The following NDEL1 variants were observed in gnomAD, a reference collection of about 807,000 sequenced individuals.
NDEL1 encodes nudE neurodevelopment protein 1 like 1, also known as nuclear distribution protein nudE-like 1.
In NDEL1, 9 loss-of-function variants were observed where a neutral mutation model predicts 45.7. That is an observed-to-expected ratio of 0.20 (90% CI 0.12 to 0.34). The LOEUF is 0.34. Among genes scored for constraint, NDEL1 ranks in the 10% least tolerant of loss-of-function variants. The pLI is 1.00. For synonymous variants in NDEL1, 133 were observed against 158.6 expected, an observed-to-expected ratio of 0.84 and a Z score of 1.21; for missense variants, 306 against 406.2, an observed-to-expected ratio of 0.75 and a Z score of 2.12.
intron 1 of NDEL1, among the ~76,000 whole-genome samples, chr17:8,443,322 A>G (rs1365460405): frequency 6.6e-6 from 1 of 152,206 alleles, no homozygotes; most frequent in East Asian, 1.9e-4. Context: ...AATGCAAGAG[A>G]TTTTAATGCT....
intron 1 of NDEL1, among the ~76,000 whole-genome samples, chr17:8,423,208 A>AC (rs760152912): frequency 1.3e-4 from 20 of 151,880 alleles, no homozygotes; most frequent in South Asian, 2.1e-4. Context: ...CAGACAAGTG[A>AC]CCCCCCCTAG....
intron 5 of NDEL1, 33 bp downstream of exon 5, chr17:8,448,719 C>T: frequency 6.3e-7 from 1 of 1,578,410 alleles, no homozygotes; most frequent in Middle Eastern, 1.7e-4. Flanking sequence ...TACAGTTGAC[C>T]CTTGAACAAC....
chr17:8,451,579 G>A (rs1034907338), intron 6 of NDEL1, among the ~76,000 whole-genome samples: 4 of 151,964 alleles, frequency 2.6e-5, no homozygotes, highest in African/African-American at 9.7e-5. Context: ...AGCATTGTTC[G>A]GAGTAATTGA....
chr17:8,435,878 C>A, upstream of NDEL1: 3 of 447,572 alleles, frequency 6.7e-6, no homozygotes, highest in South Asian at 3.1e-5. Context: ...CCTCGGACAC[C>A]CAGGCAGTCC....
At chr17:8,445,608 A>G (rs1910031459) in intron 2 of NDEL1, 103 bp from the exon 3 acceptor site, 8 of 1,216,362 alleles carry the variant, frequency 6.6e-6, no homozygotes, top group Non-Finnish European at 9.1e-6. Context: ...TTATGAGAGC[A>G]TTAGCATTCA....
Position 8,467,240 on chromosome 17 carries a change from C to A in NDEL1, c.*217C>A. ...GCTATTTTCTCTTCTCGCCGTAGTG[C>A]CGTTGGTTTCACATGATTGCACTTT... On this transcript the variant is annotated 3_prime_UTR_variant, in exon 9 of 9. Transcript: ENST00000334527. The surrounding 1 kb of genome is among the most constrained non-coding windows in gnomAD (Gnocchi z 6.3). The A allele has an allele frequency of 1.7e-6, 1 of 592,724 alleles. No individual in the cohort carries two copies. Among genetic ancestry groups the A allele is most frequent in the Admixed American group, 3.1e-5 (1 of 31,974 alleles). The allele number at this position is 592,724 out of a possible 1,614,324, so 36.7% of individuals were successfully genotyped here.
chr17:8,470,436 A>G (rs1166998190), downstream of NDEL1, among the ~76,000 whole-genome samples: 1 of 152,154 alleles, frequency 6.6e-6, no homozygotes, highest in Non-Finnish European at 1.5e-5. The surrounding 1 kb of genome is among the most constrained non-coding windows in gnomAD (Gnocchi z 4.2). Context: ...TTGTCTTACA[A>G]GAGAGTAGTA....
At chr17:8,435,506 A>G (rs1909223957), upstream of NDEL1, among the ~76,000 whole-genome samples, 1 of 152,262 alleles carries the variant, frequency 6.6e-6, no homozygotes, top group Non-Finnish European at 1.5e-5. Context: ...TGGGTGTTCG[A>G]GCAGGGGGAA....
chr17:8,431,477 T>A (rs948593134), upstream of NDEL1: 2 of 152,258 alleles, frequency 1.3e-5, no homozygotes, highest in Non-Finnish European at 2.9e-5. Context: ...AGGGAAAGCA[T>A]GTAAAGCACT....
At chr17:8,472,600 G>T (rs1567749467), downstream of NDEL1, among the ~76,000 whole-genome samples, 1 of 152,162 alleles carries the variant, frequency 6.6e-6, no homozygotes, top group Non-Finnish European at 1.5e-5. Flanking sequence ...GAGGTGGAGG[G>T]TGAAGTGAGC....
At chr17:8,463,355 G>A in intron 8 of NDEL1, 11 of 1,612,828 alleles carry the variant, frequency 6.8e-6, no homozygotes, top group South Asian at 2.2e-5. Flanking sequence ...TTGTTCATGG[G>A]TAACTGAATT....
rs1340602798 is a variant in NDEL1 at position 8,448,691 on chromosome 17, A to C, written c.526+5A>C. On this transcript the variant is annotated splice_donor_5th_base_variant and intron_variant, in intron 5 of 8. Transcript: ENST00000334527. ...GGTTAAAGGATGAAGCAAGAGGTAA[A>C]ATTTATAACTTAAAGAATACAGTTG... is the stretch of plus-strand genomic sequence containing the variant. 1 of 1,606,402 alleles carries C rather than the reference A, an allele frequency of 6.2e-7. No individual in the cohort carries two copies. The highest frequency in any genetic ancestry group is 8.5e-7 in the Non-Finnish European group (1 of 1,174,822).
At chr17:8,435,735 A>T (rs1040852569), upstream of NDEL1, 4 of 336,776 alleles carry the variant, frequency 1.2e-5, no homozygotes, top group Middle Eastern at 1.1e-3. Context: ...GCGCAAGAGG[A>T]CGCCGTCAGC....
At chr17:8,434,612 C>G (rs574917070), upstream of NDEL1, among the ~76,000 whole-genome samples, 1 of 152,082 alleles carries the variant, frequency 6.6e-6, no homozygotes, top group African/African-American at 2.4e-5. Context: ...TAAAATGTAT[C>G]TCTTCCTTTA....
At chr17:8,431,785 T>A (rs566442688), upstream of NDEL1, 16 of 152,124 alleles carry the variant, frequency 1.1e-4, no homozygotes, top group African/African-American at 3.9e-4. Context: ...CAAGAGAACT[T>A]CGGAAAGTTC....
At chr17:8,416,233 G>A (rs1011846470) in intron 1 of NDEL1, among the ~76,000 whole-genome samples, 1 of 152,026 alleles carries the variant, frequency 6.6e-6, no homozygotes, top group East Asian at 1.9e-4. Context: ...TCTACTTTCC[G>A]TTTCTATGAA....
rs777127806 is a variant in NDEL1, at chr17:8,467,040, T to A, written c.*17T>A. The A allele has an allele frequency of 6.2e-7, 1 of 1,613,270 alleles. No homozygotes were observed. The highest frequency in any genetic ancestry group is 8.5e-7 in the Non-Finnish European group (1 of 1,179,576). On this transcript the variant is annotated 3_prime_UTR_variant, in exon 9 of 9. Transcript: ENST00000334527. This position sits in a 1 kb window ranked among gnomAD's most constrained non-coding sequence, Gnocchi z 6.3. ...AGTGTGTGAGTGCCTAGCCTCCAGGTGGGGGCTCCTGCCCTCCTCCAACAA... is the reference window on the plus strand; with the variant it reads ...AGTGTGTGAGTGCCTAGCCTCCAGGAGGGGGCTCCTGCCCTCCTCCAACAA...
downstream of NDEL1, among the ~76,000 whole-genome samples, chr17:8,471,103 C>T (rs1270117531): frequency 6.6e-6 from 1 of 152,214 alleles, no homozygotes; most frequent in African/African-American, 2.4e-5. Flanking sequence ...TCCAGTGAGG[C>T]TCCACAATTT....
chr17:8,443,717 C>T (rs1443671114), intron 1 of NDEL1, among the ~76,000 whole-genome samples: 1 of 152,020 alleles, frequency 6.6e-6, no homozygotes, highest in Non-Finnish European at 1.5e-5. Flanking sequence ...TGGAAGGAAG[C>T]TTTGGACTTA....
Sources: gnomAD v4.1 joint callset for allele counts (sites outside exome capture counted in the v4.1 genomes callset) on GRCh38, gnomAD v4.1.1 for gene constraint, Gnocchi (gnomAD v3.1) non-coding constraint, MANE v1.5 for transcripts, NCBI Gene and HGNC (gene_info 2026-07-23, HGNC 2026-07-21) for gene names.